Variants in DIDO1 observed in about 807,000 individuals in gnomAD.
DIDO1 encodes death inducer-obliterator 1.
DIDO1 carries 16 observed loss-of-function variants against 99.4 expected under a neutral mutation model. The ratio of observed to expected loss-of-function variants is 0.16; its 90% CI spans 0.11 to 0.24. The LOEUF (loss-of-function observed/expected upper bound fraction) is 0.24. Ranked by LOEUF, DIDO1 falls within the 10% of genes least tolerant of loss-of-function variation. The pLI, the probability that DIDO1 is intolerant of heterozygous loss-of-function variation, is 1.00. For missense variants in DIDO1, 2,996 were observed against 3,014.0 expected (o/e 0.99, Z 0.14); for synonymous variants, 1,366 against 1,239.1 (o/e 1.10, Z -2.15).
intron 1 of DIDO1, among the ~76,000 whole-genome samples, chr20:62,936,893 G>A (rs1423734419): frequency 3.9e-5 from 6 of 152,220 alleles, no homozygotes; most frequent in African/African-American, 1.4e-4. Flanking sequence ...ACCAATAACT[G>A]TTTCCCATAG....
In DIDO1 at chr20:62,880,943, G is replaced by A; in HGVS notation, c.5013C>T (p.Gly1671=). The change falls in exon 16 of 16, where the codon GGC becomes GGT. Residue 1671 remains glycine, a synonymous_variant. Transcript: ENST00000395343. ...TCTCACCGTCGTGCTGCAGCGGGAA[G>A]CCGGGCTGCAGGGCGCCGCAAGGCG... ...PTPPCGALQP[G]FPLQHDGERD... 2 of 1,608,404 alleles carry A rather than the reference G, an allele frequency of 1.2e-6. No homozygotes were observed. Among genetic ancestry groups the A allele is most frequent in the Non-Finnish European group, 1.7e-6 (2 of 1,179,730 alleles).
At chr20:62,923,264 C>G (rs1355721154) in intron 1 of DIDO1, among the ~76,000 whole-genome samples, 1 of 152,194 alleles carries the variant, frequency 6.6e-6, no homozygotes, top group African/African-American at 2.4e-5. Flanking sequence ...CAACCTCGAC[C>G]TCCCAGGTTC....
At chr20:62,891,263 C>CA in intron 14 of DIDO1, 108 bp from the exon 15 acceptor site, 1 of 1,515,282 alleles carries the variant, frequency 6.6e-7, no homozygotes, top group Non-Finnish European at 8.9e-7. Context: ...CTCTCCGACT[C>CA]ACAGCCACGA....
intron 15 of DIDO1, among the ~76,000 whole-genome samples, chr20:62,886,354 A>G (rs1459936626): frequency 6.6e-6 from 1 of 152,258 alleles, no homozygotes; most frequent in Non-Finnish European, 1.5e-5. Flanking sequence ...GCAAGCCAAC[A>G]GGCCTTTTTA....
At chr20:62,890,345 C>T (rs1347410718) in intron 15 of DIDO1, 9 of 986,496 alleles carry the variant, frequency 9.1e-6, no homozygotes, top group Non-Finnish European at 1.1e-5. Flanking sequence ...CCTGGAATCA[C>T]CCTCAACCCT....
upstream of DIDO1, among the ~76,000 whole-genome samples, chr20:62,929,754 T>C (rs924832173): frequency 3.2e-4 from 33 of 103,668 alleles, no homozygotes; most frequent in Non-Finnish European, 2.2e-4. Context: ...TCAGCCACTG[T>C]TTTGTTTTTT....
chr20:62,925,551 A>G (rs886486050), intron 1 of DIDO1, among the ~76,000 whole-genome samples: 1 of 152,240 alleles, frequency 6.6e-6, no homozygotes, highest in African/African-American at 2.4e-5. Context: ...CACAAGTTAA[A>G]GAGTATTTTC....
In DIDO1 at chr20:62,893,987, G is replaced by A. The variant is rs759008770; in HGVS notation, c.2780C>T (p.Thr927Met). ...ATCTCCTGGAGGCCCAGGGAAATAC[G>A]TTCTGTCCACATTTGGATGAGAAGC... ...ESASHPNVDR[T>M]YFPGPPGDGH... is the part of the protein sequence containing the mutation. Residue 927 changes from threonine (T) to methionine (M), a missense_variant, in exon 12 of 16, where the codon ACG (threonine) becomes ATG (methionine). Physicochemically the swap from Thr to Met is moderately conservative, Grantham distance 81. Coordinates refer to ENST00000395343, the MANE Select transcript of DIDO1 (RefSeq NM_001193369.2). 1.5e-5 allele frequency: 25 copies of A among 1,613,924 alleles called. No individual in the cohort carries two copies. The highest frequency in any genetic ancestry group is 5.5e-5 in the South Asian group (5 of 91,092).
intron 2 of DIDO1, among the ~76,000 whole-genome samples, chr20:62,912,772 C>T (rs1385944294): frequency 6.6e-6 from 1 of 152,196 alleles, no homozygotes; most frequent in Admixed American, 6.5e-5. Flanking sequence ...TGGCTCAAGC[C>T]CATAATCCCA....
chr20:62,905,505 G>A, intron 6 of DIDO1: 1 of 1,550,874 alleles, frequency 6.4e-7, no homozygotes, highest in South Asian at 1.2e-5. Context: ...GCTGTTGTCA[G>A]AACAACTCAT....
At chr20:62,926,574 G>T (rs945542106), upstream of DIDO1, 1 of 151,956 alleles carries the variant, frequency 6.6e-6, no homozygotes, top group African/African-American at 2.4e-5. Flanking sequence ...GACGCTGCGG[G>T]GCTAGAGCGG....
chr20:62,926,268 C>CCGCT (rs1391920853), intron 1 of DIDO1, among the ~76,000 whole-genome samples, 171 bp downstream of exon 1: 11 of 150,644 alleles, frequency 7.3e-5, no homozygotes, highest in African/African-American at 1.7e-4. Flanking sequence ...GCCCGCCCGC[C>CCGCT]CGCCCGCTCC....
chr20:62,882,606 G>A (rs534904693), intron 15 of DIDO1, among the ~76,000 whole-genome samples, 192 bp from the exon 16 acceptor site: 18 of 152,252 alleles, frequency 1.2e-4, no homozygotes, highest in East Asian at 5.8e-4. Flanking sequence ...GCACCGCCCC[G>A]GGAACGAGCT....
At position 62,884,164 on chromosome 20, in the gene DIDO1, G is replaced by A. The variant is rs527374025; in HGVS notation, c.3542-1750C>T. ...ACAGGTGGCAAAGAGCAGAGCAGGT[G>A]GACGACGCGCACTGGGGGTTTTAAG... is the stretch of plus-strand genomic sequence containing the variant. On this transcript the variant is annotated intron_variant, in intron 15 of 15. Coordinates refer to ENST00000395343, the MANE Select transcript of DIDO1 (RefSeq NM_001193369.2). Among the ~76,000 whole-genome samples the A allele has an allele frequency of 1.4e-4, 21 of 152,136 alleles. No homozygotes were observed. The East Asian group carries it at 3.9e-3, about 28-fold the overall frequency.
intron 13 of DIDO1, 116 bp downstream of exon 13, chr20:62,892,693 G>C: frequency 7.4e-7 from 1 of 1,347,424 alleles, no homozygotes; most frequent in Non-Finnish European, 9.9e-7. Context: ...AAGAGTGTCA[G>C]GCATTTCTGT....
intron 14 of DIDO1, 123 bp from the exon 15 acceptor site, chr20:62,891,278 A>C: frequency 5.8e-4 from 834 of 1,443,124 alleles, no homozygotes; most frequent in Non-Finnish European, 7.2e-4. Context: ...CCACGATCTC[A>C]CAGAGCTGCT....
At chr20:62,902,540 ACT>A (rs898647360) in intron 6 of DIDO1, among the ~76,000 whole-genome samples, 3 of 152,020 alleles carry the variant, frequency 2.0e-5, no homozygotes, top group African/African-American at 7.2e-5. Flanking sequence ...CCTGCAAAAC[ACT>A]CTTAGGTTCT....
Position 62,911,288 on chromosome 20 carries a change from T to C in DIDO1, c.325A>G (p.Thr109Ala), listed in dbSNP as rs1317652214. Residue 109 changes from threonine (T) to alanine (A), a missense_variant, in exon 3 of 16, where the codon ACA becomes GCA. Thr to Ala is a moderately conservative substitution (Grantham distance 58). Coordinates refer to ENST00000395343, the MANE Select transcript of DIDO1 (RefSeq NM_001193369.2). The surrounding 1 kb of genome is among the most constrained non-coding windows in gnomAD (Gnocchi z 7.0). ...CTTTCCACGCTGCCCTCGGAGGCTG[T>C]CTCGGCGTCTGTGGCGGGGCAGGAC... ...PTSCPATDAETASEGSVESAS... is the reference protein window; with the variant it reads ...PTSCPATDAEAASEGSVESAS... 6.2e-7 allele frequency: 1 copy of C among 1,612,028 alleles called. No homozygotes were observed. Among genetic ancestry groups the C allele is most frequent in the Non-Finnish European group, 8.5e-7 (1 of 1,180,030 alleles).
chr20:62,879,923 G>C lies in DIDO1; in HGVS notation c.6033C>G (p.Phe2011Leu). 6.3e-7 allele frequency: 1 copy of C among 1,595,080 alleles called. No individual in the cohort carries two copies. ...KNEQTPSRFHFQGQAPQVMKP... is the reference protein window; with the variant it reads ...KNEQTPSRFHLQGQAPQVMKP... ...TCATCACCTGCGGGGCCTGGCCCTG[G>C]AAGTGAAATCGCGAAGGGGTCTGCT... Residue 2011 changes from phenylalanine to leucine, a missense_variant, in exon 16 of 16, where the codon TTC becomes TTG. This residue lies in a region of DIDO1 where 1,562 missense variants were observed against 1,412.6 expected (regional missense o/e 1.11). Transcript: ENST00000395343. This position sits in a 1 kb window ranked among gnomAD's most constrained non-coding sequence, Gnocchi z 6.3.
Sources: allele counts gnomAD v4.1 joint callset (sites outside exome capture counted in the v4.1 genomes callset), GRCh38; gene constraint gnomAD v4.1.1; regional missense constraint gnomAD v4.1.1; non-coding constraint Gnocchi (gnomAD v3.1); transcripts MANE v1.5; gene names NCBI Gene and HGNC (gene_info 2026-07-23, HGNC 2026-07-21).